The following GPR63 variants were observed in gnomAD, a reference collection of about 807,000 sequenced individuals.
GPR63 encodes probable G protein-coupled receptor 63.
GPR63 carries 12 observed loss-of-function variants against 23.1 expected under a neutral mutation model. That is an observed-to-expected ratio of 0.52 (90% CI 0.33 to 0.84). GPR63 has a LOEUF of 0.84. GPR63 is among the 40% of genes least tolerant of loss of function. The pLI is 0.02. For missense variants in GPR63, 472 were observed against 515.6 expected (o/e 0.92, Z 0.82); for synonymous variants, 172 against 191.1 (o/e 0.90, Z 0.82).
At chr6:96,818,666 C>T (rs1041784645) in intron 1 of GPR63, among the ~76,000 whole-genome samples, 1 of 152,086 alleles carries the variant, frequency 6.6e-6, no homozygotes, top group Non-Finnish European at 1.5e-5. Context: ...TATGTTCCCA[C>T]TATGTTTTGA....
chr6:96,832,195 A>G (rs938199519), intron 1 of GPR63, among the ~76,000 whole-genome samples: 5 of 152,050 alleles, frequency 3.3e-5, no homozygotes, highest in Non-Finnish European at 7.4e-5. Context: ...AAATGCTAAT[A>G]ATAGTTATAT....
chr6:96,833,986 C>G (rs886685103), intron 1 of GPR63, among the ~76,000 whole-genome samples: 6 of 152,050 alleles, frequency 3.9e-5, no homozygotes, highest in African/African-American at 1.4e-4. Flanking sequence ...GTGTTAAAAT[C>G]CAACTTTTCT....
intron 1 of GPR63, among the ~76,000 whole-genome samples, chr6:96,811,893 A>G (rs1371125427): frequency 6.7e-6 from 1 of 149,136 alleles, no homozygotes; most frequent in Non-Finnish European, 1.5e-5. Context: ...AATAAATAAA[A>G]TAAAAGGCAA....
intron 1 of GPR63, among the ~76,000 whole-genome samples, chr6:96,803,752 T>TA (rs1319314139): frequency 6.6e-6 from 1 of 152,228 alleles, no homozygotes; most frequent in African/African-American, 2.4e-5. Context: ...AAGAATAGGT[T>TA]AAAAAGTTTC....
At chr6:96,832,038 G>A (rs886424506) in intron 1 of GPR63, among the ~76,000 whole-genome samples, 12 of 151,826 alleles carry the variant, frequency 7.9e-5, no homozygotes, top group Non-Finnish European at 1.8e-4. Flanking sequence ...ATATTATTCA[G>A]AATTAAAAAT....
chr6:96,836,893 C>G (rs1025802489), intron 1 of GPR63, among the ~76,000 whole-genome samples: 4 of 152,118 alleles, frequency 2.6e-5, no homozygotes, highest in African/African-American at 2.4e-5. Context: ...ACTCCCAGCA[C>G]TGAATTCTCA....
chr6:96,798,556 A>G lies in GPR63; in HGVS notation c.1176T>C (p.Phe392=). ...CLDMMPKSFK[F]LPQLPGHTKR... The stretch of plus-strand genomic sequence containing the variant: ...TTGTGTGACCAGGGAGCTGCGGCAA[A>G]AACTTGAAGGACTTAGGCATCATGT... Residue 392 remains phenylalanine, a synonymous_variant, in exon 2 of 2, where the codon TTT becomes TTC. Transcript: ENST00000229955. 1 of 1,614,188 alleles carries G rather than the reference A, an allele frequency of 6.2e-7. No homozygotes were observed. The highest frequency in any genetic ancestry group is 8.5e-7 in the Non-Finnish European group (1 of 1,180,024).
chr6:96,823,571 G>A (rs1774362837), intron 1 of GPR63, among the ~76,000 whole-genome samples: 1 of 152,152 alleles, frequency 6.6e-6, no homozygotes, highest in African/African-American at 2.4e-5. Context: ...AAAATTTACA[G>A]TAAGGTATTG....
At chr6:96,831,550 T>G (rs1307033259) in intron 1 of GPR63, among the ~76,000 whole-genome samples, 1 of 152,174 alleles carries the variant, frequency 6.6e-6, no homozygotes, top group Non-Finnish European at 1.5e-5. Context: ...TGCCCTTTTA[T>G]TCCTCCCCAA....
intron 1 of GPR63, among the ~76,000 whole-genome samples, chr6:96,809,332 T>C (rs1045768078): frequency 5.3e-5 from 8 of 152,176 alleles, no homozygotes; most frequent in African/African-American, 1.9e-4. Flanking sequence ...GCCTGTTATC[T>C]CTACCATGAC....
At position 96,798,388 on chromosome 6, in the gene GPR63, A is replaced by C. The variant is rs1773647328; in HGVS notation, c.*84T>G. 1 of 1,433,706 alleles carries C rather than the reference A, an allele frequency of 7.0e-7. No individual in the cohort carries two copies. Among genetic ancestry groups the C allele is most frequent in the East Asian group, 2.3e-5 (1 of 43,722 alleles). The allele number at this position is 1,433,706 out of a possible 1,614,324, so 88.8% of individuals were successfully genotyped here. A position where few individuals can be genotyped will look rare whatever the true frequency, so the allele number is the denominator to read the frequency against. ...ATACATACACAAACCCTATAAAAAA[A>C]AATAAAGTGGAGAGGCTATGAGAAA... On this transcript the variant is annotated 3_prime_UTR_variant, in exon 2 of 2. Transcript: ENST00000229955.
At chr6:96,826,514 T>C (rs2127958833) in intron 1 of GPR63, among the ~76,000 whole-genome samples, 1 of 152,274 alleles carries the variant, frequency 6.6e-6, no homozygotes, top group Non-Finnish European at 1.5e-5. Context: ...TAATGTCTGC[T>C]TTTTCTTTTC....
In GPR63 at chr6:96,836,599, AT is replaced by A. The variant is rs35837304; in HGVS notation, c.-151+668del. Among the ~76,000 whole-genome samples, 50 of 150,278 alleles carry A rather than the reference AT, an allele frequency of 3.3e-4. No individual in the cohort carries two copies. The Middle Eastern group carries it at 0.014, about 41-fold the overall frequency. ...AATTTTCATAAAGATATGTTGTTGG[AT>A]TTTTTTTTTAAGCACTCTGAGCCTC... On this transcript the variant is annotated intron_variant, in intron 1 of 1. Coordinates refer to ENST00000229955, the MANE Select transcript of GPR63 (RefSeq NM_030784.4).
chr6:96,808,297 CT>C (rs978341563), intron 1 of GPR63, among the ~76,000 whole-genome samples: 1 of 152,132 alleles, frequency 6.6e-6, no homozygotes, highest in Non-Finnish European at 1.5e-5. Context: ...AATACAAATA[CT>C]TTTTTTCTTT....
intron 1 of GPR63, among the ~76,000 whole-genome samples, chr6:96,802,427 T>A (rs1432188373): frequency 6.6e-6 from 1 of 151,566 alleles, no homozygotes; most frequent in African/African-American, 2.4e-5. Flanking sequence ...ACAGTCCACA[T>A]CCCGAAAATT....
At chr6:96,803,877 A>G (rs1358885178) in intron 1 of GPR63, among the ~76,000 whole-genome samples, 3 of 152,388 alleles carry the variant, frequency 2.0e-5, no homozygotes, top group Admixed American at 6.5e-5. Context: ...AATCTCGACT[A>G]GTCTTTATTT....
chr6:96,820,176 C>T (rs940301049), intron 1 of GPR63, among the ~76,000 whole-genome samples: 18 of 151,912 alleles, frequency 1.2e-4, no homozygotes, highest in Non-Finnish European at 1.8e-4. Context: ...GATCATAAAA[C>T]ATATTCCTTA....
Position 96,827,197 on chromosome 6 carries a change from A to C in GPR63, c.-151+10071T>G, listed in dbSNP as rs937263832. On this transcript the variant is annotated intron_variant, in intron 1 of 1. Transcript: ENST00000229955. ...AATATAAAAATAATAAATGGTTAGA[A>C]TTATGACCAGAAGACAAGCAGATTT... is the stretch of plus-strand genomic sequence containing the variant. Among the ~76,000 whole-genome samples the C allele has an allele frequency of 2.6e-5, 4 of 152,144 alleles. 1 individual carries two copies. Among genetic ancestry groups the C allele is most frequent in the African/African-American group, 9.6e-5 (4 of 41,452 alleles).
At chr6:96,817,939 T>A (rs1197859996) in intron 1 of GPR63, among the ~76,000 whole-genome samples, 2 of 151,444 alleles carry the variant, frequency 1.3e-5, no homozygotes, top group South Asian at 2.1e-4. Flanking sequence ...CTGCTTGTTA[T>A]GTAAAACTTC....
Sources: gnomAD v4.1 joint callset for allele counts (sites outside exome capture counted in the v4.1 genomes callset) on GRCh38, gnomAD v4.1.1 for gene constraint, MANE v1.5 for transcripts, NCBI Gene and HGNC (gene_info 2026-07-23, HGNC 2026-07-21) for gene names.